Variants in FBXO34 observed in about 807,000 individuals in gnomAD.
FBXO34 encodes F-box protein 34.
A neutral mutation model predicts 24.5 loss-of-function variants in FBXO34; 12 were observed. The observed-to-expected ratio is 0.49, with a 90% CI of 0.31 to 0.79. FBXO34 has a LOEUF of 0.79. FBXO34 is among the 30% of genes least tolerant of loss of function. FBXO34 has a pLI of 0.04. For missense variants in FBXO34, 823 were observed against 857.7 expected (o/e 0.96, Z 0.51); for synonymous variants, 320 against 311.9 (o/e 1.03, Z -0.27).
At chr14:55,382,228 G>A in the FBXO34 span, 2 of 1,602,256 alleles carry the variant, frequency 1.2e-6, no homozygotes, top group Non-Finnish European at 1.7e-6. Flanking sequence ...TTTCAAGAGA[G>A]AGGGTTTTTA....
At chr14:55,350,185 A>G (rs1486804596) in intron 1 of FBXO34, among the ~76,000 whole-genome samples, 196 bp from the exon 2 acceptor site, 5 of 152,016 alleles carry the variant, frequency 3.3e-5, no homozygotes, top group Middle Eastern at 3.4e-3. Context: ...AGTACTACAC[A>G]CCATATAAAC....
At chr14:55,419,749 T>C in the FBXO34 span, among the ~76,000 whole-genome samples, 1 of 152,226 alleles carries the variant, frequency 6.6e-6, no homozygotes, top group Non-Finnish European at 1.5e-5. Flanking sequence ...CATGATACAA[T>C]GGTTTCAAAT....
chr14:55,328,525 A>G (rs1883427766), intron 1 of FBXO34, among the ~76,000 whole-genome samples: 1 of 152,230 alleles, frequency 6.6e-6, no homozygotes, highest in South Asian at 2.1e-4. Flanking sequence ...CTCATCCTGC[A>G]TGGGATGGAG....
the FBXO34 span, among the ~76,000 whole-genome samples, chr14:55,406,658 T>C: frequency 6.6e-6 from 1 of 152,256 alleles, no homozygotes; most frequent in African/African-American, 2.4e-5. Context: ...TGGTCCTGGG[T>C]CTCGAGATTC....
At chr14:55,415,930 A>G in the FBXO34 span, among the ~76,000 whole-genome samples, 2 of 152,224 alleles carry the variant, frequency 1.3e-5, no homozygotes, top group Non-Finnish European at 2.9e-5. Context: ...AATGAAGTAC[A>G]CATGCTACAA....
chr14:55,412,692 T>C, the FBXO34 span, among the ~76,000 whole-genome samples: 1 of 152,154 alleles, frequency 6.6e-6, no homozygotes, highest in African/African-American at 2.4e-5. Context: ...TCAAGGATGA[T>C]TTTACTAGGC....
intron 3 of FBXO34, among the ~76,000 whole-genome samples, chr14:55,360,220 G>A (rs1353316401): frequency 7.2e-5 from 11 of 151,858 alleles, no homozygotes; most frequent in East Asian, 3.9e-4. Context: ...CTACAGGTGC[G>A]CACCACCATG....
intron 1 of FBXO34, among the ~76,000 whole-genome samples, chr14:55,334,046 C>G (rs1031083726): frequency 7.2e-5 from 11 of 152,102 alleles, no homozygotes; most frequent in Non-Finnish European, 1.0e-4. Flanking sequence ...GTAGAATTTT[C>G]CTTAAAATCT....
chr14:55,358,964 C>T (rs771905241), intron 3 of FBXO34, among the ~76,000 whole-genome samples: 31 of 151,658 alleles, frequency 2.0e-4, no homozygotes, highest in Non-Finnish European at 4.3e-4. Flanking sequence ...AGGGTGGTTG[C>T]TGGGATGGGA....
chr14:55,287,371 A>C (rs1280988518), intron 1 of FBXO34, among the ~76,000 whole-genome samples: 1 of 152,194 alleles, frequency 6.6e-6, no homozygotes, highest in Non-Finnish European at 1.5e-5. Flanking sequence ...ATCACACTCA[A>C]CTGAATTTAT....
chr14:55,350,720 T>C lies in FBXO34; in HGVS notation c.330T>C (p.Val110=). Residue 110 remains valine (V), a synonymous_variant, in exon 2 of 2, where the codon GTT becomes GTC. Coordinates refer to ENST00000313833, the MANE Select transcript of FBXO34 (RefSeq NM_017943.4). The part of the protein sequence containing the change: ...EEEGPLDIWA[V]VKPGNTKEKI... ...AAGGACCACTTGATATCTGGGCTGTTGTGAAACCTGGAAATACCAAGGAAA... is the reference window on the plus strand; with the variant it reads ...AAGGACCACTTGATATCTGGGCTGTCGTGAAACCTGGAAATACCAAGGAAA... 6.2e-7 allele frequency: 1 copy of C among 1,613,066 alleles called. No homozygotes were observed. Among genetic ancestry groups the C allele is most frequent in the South Asian group, 1.1e-5 (1 of 90,898 alleles).
chr14:55,324,144 A>C (rs1883263709), intron 1 of FBXO34, among the ~76,000 whole-genome samples: 1 of 152,016 alleles, frequency 6.6e-6, no homozygotes, highest in South Asian at 2.1e-4. Flanking sequence ...TTCTGTCTAT[A>C]GAATTGCTTC....
intron 1 of FBXO34, among the ~76,000 whole-genome samples, chr14:55,275,569 C>T (rs1193647869): frequency 1.3e-5 from 2 of 151,204 alleles, no homozygotes; most frequent in African/African-American, 4.9e-5. Context: ...GATCCCAGCA[C>T]GTTGGGAGGC....
chr14:55,288,877 C>T lies in FBXO34; in HGVS notation c.-11+17340C>T, dbSNP rs145862092. On this transcript the variant is annotated intron_variant, in intron 1 of 1. Coordinates refer to ENST00000313833, the MANE Select transcript of FBXO34 (RefSeq NM_017943.4). ...ACCAGCTTGGCCAATGTGGTGAAAC[C>T]CCATCTTTACTAAAAACACAAAAAT... is the stretch of plus-strand genomic sequence containing the variant. Among the ~76,000 whole-genome samples, 856 of 152,154 alleles carry T rather than the reference C, an allele frequency of 5.6e-3. 12 individuals are homozygous for T. Among genetic ancestry groups the T allele is most frequent in the African/African-American group, 0.019 (786 of 41,510 alleles).
chr14:55,336,936 G>A (rs1056173041), intron 1 of FBXO34, among the ~76,000 whole-genome samples: 1 of 149,988 alleles, frequency 6.7e-6, no homozygotes, highest in Non-Finnish European at 1.5e-5. Context: ...AATCCTATGT[G>A]GTGTGTTTGG....
intron 1 of FBXO34, among the ~76,000 whole-genome samples, chr14:55,327,584 G>GA (rs531953724): frequency 3.5e-4 from 53 of 152,130 alleles, no homozygotes; most frequent in African/African-American, 1.1e-3. Flanking sequence ...TAGCTATTGG[G>GA]AAAAAAATGT....
At chr14:55,277,348 C>T (rs899075792) in intron 1 of FBXO34, among the ~76,000 whole-genome samples, 1 of 152,188 alleles carries the variant, frequency 6.6e-6, no homozygotes, top group African/African-American at 2.4e-5. Flanking sequence ...TTGAGACAGT[C>T]TCGCTTTGTT....
intron 3 of FBXO34, among the ~76,000 whole-genome samples, chr14:55,358,906 G>A (rs895585189): frequency 6.6e-6 from 1 of 152,094 alleles, no homozygotes; most frequent in East Asian, 1.9e-4. Context: ...ATAGAACCAC[G>A]GGGTGATTGT....
chr14:55,289,433 G>A (rs141774881), intron 1 of FBXO34, among the ~76,000 whole-genome samples: 2 of 152,232 alleles, frequency 1.3e-5, no homozygotes, highest in African/African-American at 4.8e-5. Flanking sequence ...TCCTTCCCCT[G>A]TCTCTTGGGC....
Sources: allele counts gnomAD v4.1 joint callset (sites outside exome capture counted in the v4.1 genomes callset), GRCh38; gene constraint gnomAD v4.1.1; transcripts MANE v1.5; gene names NCBI Gene and HGNC (gene_info 2026-07-23, HGNC 2026-07-21).